The following ATP13A3 variants were observed in gnomAD, a reference collection of about 807,000 sequenced individuals.
ATP13A3 encodes polyamine-transporting ATPase 13A3.
ATP13A3 carries 59 observed loss-of-function variants against 158.1 expected under a neutral mutation model. That is an observed-to-expected ratio of 0.37 (90% CI 0.30 to 0.46). The LOEUF is 0.46. Among genes scored for constraint, ATP13A3 ranks in the 20% least tolerant of loss-of-function variants. The pLI is 1.00. For missense variants in ATP13A3, 1,166 were observed against 1,525.2 expected (o/e 0.76, Z 3.92); for synonymous variants, 491 against 504.3 (o/e 0.97, Z 0.35).
At chr3:194,413,421 A>G (rs1252323349) in intron 32 of ATP13A3, among the ~76,000 whole-genome samples, 5 of 152,176 alleles carry the variant, frequency 3.3e-5, no homozygotes, top group Non-Finnish European at 7.4e-5. Flanking sequence ...CACAAAACAC[A>G]GGTGGCACAT....
At chr3:194,486,278 A>C (rs889933954) in intron 1 of ATP13A3, among the ~76,000 whole-genome samples, 1 of 151,700 alleles carries the variant, frequency 6.6e-6, no homozygotes, top group African/African-American at 2.4e-5. Context: ...TGCCCACAGG[A>C]CCTCCACCTC....
intron 33 of ATP13A3, among the ~76,000 whole-genome samples, chr3:194,410,315 A>C (rs1001556212): frequency 1.4e-5 from 2 of 145,060 alleles, no homozygotes; most frequent in African/African-American, 2.6e-5. Context: ...AAAAAAAAAA[A>C]AAAAAAAAAA....
chr3:194,417,955 GGAC>G (rs2108755712), intron 31 of ATP13A3, among the ~76,000 whole-genome samples: 1 of 89,636 alleles, frequency 1.1e-5, no homozygotes, highest in South Asian at 5.0e-4. Flanking sequence ...ACAGACGGAC[GGAC>G]GGAAGGAAGG....
intron 33 of ATP13A3, among the ~76,000 whole-genome samples, chr3:194,411,480 C>G (rs1715423440): frequency 6.6e-6 from 1 of 152,152 alleles, no homozygotes. Flanking sequence ...AAAATAAGTC[C>G]AATCTGTATC....
rs547421397 is a variant in ATP13A3 at position 194,440,075 on chromosome 3, G to A, written c.1711-1103C>T. ...CAAAATGTGGGTAGGGAGGGAGGGAGGTGGGGAGGCAGGGAAGAGGGAAGG... is the reference window on the plus strand; with the variant it reads ...CAAAATGTGGGTAGGGAGGGAGGGAAGTGGGGAGGCAGGGAAGAGGGAAGG... On this transcript the variant is annotated intron_variant, in intron 16 of 33. Transcript: ENST00000645319. 3.3e-5 allele frequency among the ~76,000 whole-genome samples: 5 copies of A among 152,256 alleles called. No homozygotes were observed. In the South Asian group the frequency reaches 1.0e-3, roughly 32 times the overall value.
At chr3:194,460,548 A>G in intron 4 of ATP13A3, 110 bp downstream of exon 4, 1 of 1,136,204 alleles carries the variant, frequency 8.8e-7, no homozygotes, top group African/African-American at 1.6e-5. Context: ...AGCATTCCTC[A>G]TTTTATCCAG....
At chr3:194,470,729 T>TA (rs769909972) in intron 2 of ATP13A3, among the ~76,000 whole-genome samples, 2 of 152,220 alleles carry the variant, frequency 1.3e-5, no homozygotes, top group Non-Finnish European at 2.9e-5. Flanking sequence ...CCTAAATTGT[T>TA]AAAAAGTATG....
chr3:194,444,375 T>C (rs76677869), intron 15 of ATP13A3, among the ~76,000 whole-genome samples: 1 of 152,168 alleles, frequency 6.6e-6, no homozygotes, highest in Non-Finnish European at 1.5e-5. Context: ...TCAACATGGA[T>C]AAATCTTGAA....
At chr3:194,465,804 A>AC (rs1206431967) in intron 2 of ATP13A3, among the ~76,000 whole-genome samples, 4 of 139,182 alleles carry the variant, frequency 2.9e-5, no homozygotes, top group Non-Finnish European at 5.9e-5. Flanking sequence ...TCTCTACTAA[A>AC]AACACACACA....
At chr3:194,480,650 A>G (rs1166201538) in intron 2 of ATP13A3, among the ~76,000 whole-genome samples, 2 of 152,170 alleles carry the variant, frequency 1.3e-5, no homozygotes, top group Non-Finnish European at 2.9e-5. Context: ...GCATAACCTT[A>G]CGGAGATAGC....
upstream of ATP13A3, among the ~76,000 whole-genome samples, chr3:194,490,605 T>C (rs2109096164): frequency 6.6e-6 from 1 of 152,324 alleles, no homozygotes; most frequent in East Asian, 1.9e-4. The surrounding 1 kb of genome is among the most constrained non-coding windows in gnomAD (Gnocchi z 4.4). Context: ...GTTTGTTGTG[T>C]TTTTGTTTGT....
intron 2 of ATP13A3, among the ~76,000 whole-genome samples, chr3:194,468,413 G>A (rs1341052126): frequency 7.3e-6 from 1 of 137,748 alleles, no homozygotes; most frequent in Non-Finnish European, 1.5e-5. Flanking sequence ...AAACAGTATG[G>A]GACAAAGTGA....
upstream of ATP13A3, chr3:194,488,427 C>T (rs1721086911): frequency 1.3e-5 from 2 of 152,404 alleles, no homozygotes; most frequent in African/African-American, 4.8e-5. The surrounding 1 kb of genome is among the most constrained non-coding windows in gnomAD (Gnocchi z 4.1). Context: ...GAAGTGCTCC[C>T]TCCAACTAGC....
chr3:194,406,807 T>C lies in ATP13A3; in HGVS notation c.3574-691A>G, dbSNP rs138373191. 4.8e-3 allele frequency among the ~76,000 whole-genome samples: 737 copies of C among 152,320 alleles called. 3 individuals carry two copies. Among genetic ancestry groups the C allele is most frequent in the African/African-American group, 0.017 (709 of 41,570 alleles). ...TTGGTCAAAATTAGGGCTTCAATCATGTTTAATGTCAATTACGTCTTTTAA... is the reference window on the plus strand; with the variant it reads ...TTGGTCAAAATTAGGGCTTCAATCACGTTTAATGTCAATTACGTCTTTTAA... On this transcript the variant is annotated intron_variant, in intron 33 of 33. Transcript: ENST00000645319.
At chr3:194,476,197 C>G (rs1328207087) in intron 2 of ATP13A3, among the ~76,000 whole-genome samples, 1 of 152,092 alleles carries the variant, frequency 6.6e-6, no homozygotes, top group Non-Finnish European at 1.5e-5. Context: ...GGTTACCAAG[C>G]CTCCATTTCC....
chr3:194,410,922 G>T, intron 33 of ATP13A3, among the ~76,000 whole-genome samples: 1 of 146,700 alleles, frequency 6.8e-6, no homozygotes, highest in Non-Finnish European at 1.5e-5. Flanking sequence ...GGGGGTGGGA[G>T]GGTTGGGGTG....
intron 6 of ATP13A3, among the ~76,000 whole-genome samples, chr3:194,457,822 T>C (rs1476389550): frequency 6.6e-6 from 1 of 150,386 alleles, no homozygotes; most frequent in Non-Finnish European, 1.5e-5. Context: ...AGTTTTGCTC[T>C]GTCGCCAGGC....
intron 2 of ATP13A3, among the ~76,000 whole-genome samples, chr3:194,465,827 CAA>C (rs199857072): frequency 0.022 from 3,364 of 150,362 alleles, 115 homozygotes; most frequent in African/African-American, 0.079. Context: ...CACACACACA[CAA>C]AAATTAGCCA....
chr3:194,448,751 T>C lies in ATP13A3; in HGVS notation c.971-115A>G. The C allele has an allele frequency of 1.8e-6, 2 of 1,086,854 alleles. No individual in the cohort carries two copies. Among genetic ancestry groups the C allele is most frequent in the Non-Finnish European group, 2.6e-6 (2 of 779,860 alleles). The allele number at this position is 1,086,854 out of a possible 1,614,324, so 67.3% of individuals were successfully genotyped here. ...TTGTTAAATATTTTAAATGCTACCA[T>C]ACTGTTTACAATAATCACTGAGAGT... On this transcript the variant is annotated intron_variant, in intron 11 of 33. Transcript: ENST00000645319. This position sits in a 1 kb window ranked among gnomAD's most constrained non-coding sequence, Gnocchi z 4.0.
Sources: allele counts gnomAD v4.1 joint callset (sites outside exome capture counted in the v4.1 genomes callset), GRCh38; gene constraint gnomAD v4.1.1; non-coding constraint Gnocchi (gnomAD v3.1); transcripts MANE v1.5; gene names NCBI Gene and HGNC (gene_info 2026-07-23, HGNC 2026-07-21).